The following SLC49A4 variants were observed in gnomAD, a reference collection of about 807,000 sequenced individuals.
The protein encoded by SLC49A4 is solute carrier family 49 member 4, also known as disrupted in renal cancer protein 2.
A neutral mutation model predicts 50.6 loss-of-function variants in SLC49A4; 36 were observed. That is an observed-to-expected ratio of 0.71 (90% confidence interval 0.55 to 0.94). SLC49A4 has a LOEUF of 0.94. Among genes scored for constraint, SLC49A4 ranks in the 40% least tolerant of loss-of-function variants. SLC49A4 has a pLI of 0.00. For synonymous variants in SLC49A4, 248 were observed against 241.2 expected, an observed-to-expected ratio of 1.03 and a Z score of -0.26; for missense variants, 503 against 605.7, an observed-to-expected ratio of 0.83 and a Z score of 1.78.
At chr3:122,878,874 C>G (rs1435607730) in intron 8 of SLC49A4, among the ~76,000 whole-genome samples, 1 of 152,016 alleles carries the variant, frequency 6.6e-6, no homozygotes, top group East Asian at 1.9e-4. Context: ...TCGTATTTGT[C>G]TTTTTAATCC....
At chr3:122,839,456 A>G (rs760805275) in intron 4 of SLC49A4, among the ~76,000 whole-genome samples, 3 of 152,182 alleles carry the variant, frequency 2.0e-5, no homozygotes, top group Non-Finnish European at 2.9e-5. Flanking sequence ...CAAACAGCCC[A>G]CAGAATGGGC....
intron 3 of SLC49A4, among the ~76,000 whole-genome samples, chr3:122,832,985 G>A (rs187560967): frequency 6.6e-6 from 1 of 152,210 alleles, no homozygotes; most frequent in Non-Finnish European, 1.5e-5. Flanking sequence ...CAGCATTTTG[G>A]GAGACTGAGG....
intron 5 of SLC49A4, among the ~76,000 whole-genome samples, chr3:122,847,535 C>T (rs995819941): frequency 1.3e-5 from 2 of 151,694 alleles, no homozygotes; most frequent in East Asian, 1.9e-4. Flanking sequence ...TTAGTAGAGA[C>T]GGGGTTTCAC....
At chr3:122,872,043 C>T (rs1236468141) in intron 7 of SLC49A4, among the ~76,000 whole-genome samples, 1 of 152,062 alleles carries the variant, frequency 6.6e-6, no homozygotes, top group East Asian at 1.9e-4. Flanking sequence ...TTTAATGTTT[C>T]TGACATTTAT....
At chr3:122,872,233 C>A (rs1028267541) in intron 7 of SLC49A4, among the ~76,000 whole-genome samples, 182 bp from the exon 8 acceptor site, 1 of 152,182 alleles carries the variant, frequency 6.6e-6, no homozygotes, top group Non-Finnish European at 1.5e-5. Context: ...GGTTTTGTAT[C>A]TACTCCAGAA....
chr3:122,850,512 T>C (rs1290014493), intron 5 of SLC49A4, among the ~76,000 whole-genome samples: 3 of 97,370 alleles, frequency 3.1e-5, no homozygotes, highest in Non-Finnish European at 5.5e-5. Flanking sequence ...TTTGAGTTGA[T>C]TTTTTTTTTT....
intron 1 of SLC49A4, among the ~76,000 whole-genome samples, chr3:122,798,084 T>C (rs1402478379): frequency 6.6e-6 from 1 of 152,258 alleles, no homozygotes; most frequent in Non-Finnish European, 1.5e-5. Context: ...TCCACTGATG[T>C]ATTTTTCTTC....
intron 4 of SLC49A4, among the ~76,000 whole-genome samples, chr3:122,844,860 A>G (rs537036066): frequency 8.0e-6 from 1 of 124,456 alleles, no homozygotes; most frequent in East Asian, 2.1e-4. Context: ...TGCCACTTTG[A>G]GCTTCTTGAA....
chr3:122,849,195 A>G (rs990971097), intron 5 of SLC49A4, among the ~76,000 whole-genome samples: 2 of 152,126 alleles, frequency 1.3e-5, no homozygotes, highest in Non-Finnish European at 2.9e-5. Context: ...TATTTTCTTG[A>G]TGCATTCATC....
chr3:122,828,516 C>G (rs528735119), intron 3 of SLC49A4, among the ~76,000 whole-genome samples: 1 of 152,282 alleles, frequency 6.6e-6, no homozygotes, highest in Middle Eastern at 3.4e-3. Flanking sequence ...TGGCTTAGAT[C>G]TAGTGAGAGT....
intron 5 of SLC49A4, among the ~76,000 whole-genome samples, chr3:122,852,433 T>TATATATTTA (rs1251476127): frequency 7.2e-5 from 11 of 152,256 alleles, no homozygotes; most frequent in African/African-American, 2.7e-4. Context: ...TTTATATGTT[T>TATATATTTA]GATATTTGGT....
intron 2 of SLC49A4, among the ~76,000 whole-genome samples, chr3:122,824,939 G>A (rs1936506245): frequency 1.3e-5 from 2 of 151,722 alleles, no homozygotes; most frequent in East Asian, 3.9e-4. Flanking sequence ...TGTCATGTTG[G>A]CCAGGCTGGT....
chr3:122,810,709 A>G (rs1444969999), intron 2 of SLC49A4, among the ~76,000 whole-genome samples: 1 of 152,260 alleles, frequency 6.6e-6, no homozygotes, highest in East Asian at 1.9e-4. Context: ...TATTAACAAT[A>G]CTTAATGTTT....
chr3:122,815,412 TC>T (rs2107560749), intron 2 of SLC49A4, among the ~76,000 whole-genome samples: 2 of 152,256 alleles, frequency 1.3e-5, no homozygotes, highest in East Asian at 3.9e-4. Context: ...TCTAGCCATA[TC>T]CCATTGGTTG....
chr3:122,797,701 C>T (rs1316798756), intron 1 of SLC49A4, among the ~76,000 whole-genome samples: 1 of 152,196 alleles, frequency 6.6e-6, no homozygotes, highest in Non-Finnish European at 1.5e-5. Flanking sequence ...TGGGTTTCTG[C>T]TGGGCTCAGT....
intron 5 of SLC49A4, among the ~76,000 whole-genome samples, chr3:122,854,405 T>C (rs1218030312): frequency 1.3e-5 from 2 of 152,228 alleles, no homozygotes; most frequent in African/African-American, 4.8e-5. Context: ...GTCATTCACA[T>C]TGCAATCTGG....
intron 2 of SLC49A4, among the ~76,000 whole-genome samples, chr3:122,818,961 A>G (rs1046153356): frequency 6.6e-6 from 1 of 151,502 alleles, no homozygotes; most frequent in African/African-American, 2.4e-5. Flanking sequence ...AAAAAAAAAA[A>G]TATTGTGAGA....
At chr3:122,870,346 A>G (rs903470532) in intron 7 of SLC49A4, among the ~76,000 whole-genome samples, 4 of 151,494 alleles carry the variant, frequency 2.6e-5, no homozygotes, top group African/African-American at 4.8e-5. Flanking sequence ...CTGATCAATA[A>G]ATTTTTATTT....
intron 1 of SLC49A4, among the ~76,000 whole-genome samples, chr3:122,800,110 C>T (rs1210399075): frequency 2.0e-5 from 3 of 151,998 alleles, no homozygotes; most frequent in African/African-American, 7.3e-5. Context: ...CTGGTTCAAG[C>T]TCATTCTTAT....
Sources: gnomAD v4.1 joint callset for allele counts (sites outside exome capture counted in the v4.1 genomes callset) on GRCh38, gnomAD v4.1.1 for gene constraint, MANE v1.5 for transcripts, NCBI Gene and HGNC (gene_info 2026-07-23, HGNC 2026-07-21) for gene names.